AP2B1: variants seen among roughly 807,000 people sequenced by gnomAD.
AP2B1 encodes the protein adaptor related protein complex 2 subunit beta 1.
Under a neutral mutation model 102.0 loss-of-function variants are expected in AP2B1, and 23 were observed. The ratio of observed to expected loss-of-function variants is 0.23; its 90% CI spans 0.16 to 0.32. The LOEUF (loss-of-function observed/expected upper bound fraction) is 0.32. Among genes scored for constraint, AP2B1 ranks in the 10% least tolerant of loss-of-function variants. The pLI, the probability that AP2B1 is intolerant of heterozygous loss-of-function variation, is 1.00. For synonymous variants in AP2B1, 381 were observed against 421.2 expected, an observed-to-expected ratio of 0.90 and a Z score of 1.17; for missense variants, 541 against 1,157.4, an observed-to-expected ratio of 0.47 and a Z score of 7.73.
intron 5 of AP2B1, among the ~76,000 whole-genome samples, chr17:35,618,940 A>G (rs2074097775): frequency 6.6e-6 from 1 of 152,228 alleles, no homozygotes; most frequent in Non-Finnish European, 1.5e-5. Flanking sequence ...TTCTCCTTGT[A>G]TATAAATCTA....
intron 9 of AP2B1, among the ~76,000 whole-genome samples, chr17:35,631,605 A>G (rs2074464082): frequency 6.6e-6 from 1 of 151,918 alleles, no homozygotes; most frequent in South Asian, 2.1e-4. Flanking sequence ...ATTGATCCAC[A>G]TTATAAAGAA....
intron 21 of AP2B1, among the ~76,000 whole-genome samples, chr17:35,720,573 A>ATATATATATTT (rs1324333805): frequency 3.2e-4 from 9 of 28,068 alleles, no homozygotes; most frequent in East Asian, 1.2e-3. Context: ...ATATATATAT[A>ATATATATATTT]TTTTTTTTTT....
chr17:35,636,744 C>T (rs2074618279), intron 10 of AP2B1, among the ~76,000 whole-genome samples: 1 of 152,164 alleles, frequency 6.6e-6, no homozygotes, highest in Non-Finnish European at 1.5e-5. Flanking sequence ...TTAAATAGGA[C>T]ATCTATATAT....
chr17:35,594,118 G>A, intron 2 of AP2B1, 51 bp downstream of exon 2: 1 of 1,335,236 alleles, frequency 7.5e-7, no homozygotes, highest in South Asian at 1.3e-5. Context: ...AAGTTGTAGT[G>A]TAAGATTGCC....
chr17:35,691,275 T>A (rs922639540), intron 18 of AP2B1, among the ~76,000 whole-genome samples: 29 of 152,206 alleles, frequency 1.9e-4, no homozygotes, highest in African/African-American at 6.8e-4. Context: ...GAGGAAATTC[T>A]GTCCCTTGCT....
At chr17:35,634,481 G>A (rs1048566045) in intron 9 of AP2B1, among the ~76,000 whole-genome samples, 2 of 152,012 alleles carry the variant, frequency 1.3e-5, no homozygotes, top group African/African-American at 2.4e-5. Context: ...TTGACTTTTA[G>A]GATCTCTGTT....
In AP2B1 at chr17:35,627,637, G is replaced by A. The variant is rs1286379240; in HGVS notation, c.1066G>A (p.Ala356Thr). 6.2e-7 allele frequency: 1 copy of A among 1,613,848 alleles called. No individual in the cohort carries two copies. The highest frequency in any genetic ancestry group is 8.5e-7 in the Non-Finnish European group (1 of 1,179,972). Residue 356 changes from alanine to threonine, a missense_variant, in exon 9 of 22, where the codon GCA becomes ACA. Around this residue, in one of 10 missense-constraint regions of AP2B1, gnomAD observed 106 missense variants for 296.4 expected, o/e 0.36. Transcript: ENST00000610402. ...CACTTCCTGGGTTTAACAGGTTCTG[G>A]CAGAACTGAAAGAATATGCTACAGA... is the stretch of plus-strand genomic sequence containing the variant. ...ASQANIAQVLAELKEYATEVD... is the reference protein window; with the variant it reads ...ASQANIAQVLTELKEYATEVD...
intron 3 of AP2B1, among the ~76,000 whole-genome samples, chr17:35,600,256 T>C (rs1190003362): frequency 6.6e-6 from 1 of 152,114 alleles, no homozygotes; most frequent in African/African-American, 2.4e-5. Context: ...CTAATTTTTG[T>C]ATTTTTAGTA....
At chr17:35,687,087 A>G (rs1403634328) in intron 18 of AP2B1, among the ~76,000 whole-genome samples, 1 of 152,114 alleles carries the variant, frequency 6.6e-6, no homozygotes, top group Admixed American at 6.6e-5. Flanking sequence ...AATTACCTAA[A>G]TAACATGCTC....
chr17:35,640,426 C>G (rs998579521), intron 11 of AP2B1, among the ~76,000 whole-genome samples: 3 of 151,492 alleles, frequency 2.0e-5, no homozygotes, highest in African/African-American at 7.3e-5. Flanking sequence ...TTAGTAGAGA[C>G]AGGGTTTCAC....
Position 35,717,183 on chromosome 17 carries a change from C to T in AP2B1, c.2627-12C>T. On this transcript the variant is annotated splice_polypyrimidine_tract_variant and intron_variant, in intron 20 of 21. Coordinates refer to ENST00000610402, the MANE Select transcript of AP2B1 (RefSeq NM_001030006.2). The stretch of plus-strand genomic sequence containing the variant: ...TAACTGAAGGTGTTGGATTTTGAAT[C>T]TGTATTTCTAGACACTGTTTCCAGC... The T allele has an allele frequency of 1.9e-6, 3 of 1,612,572 alleles. No individual in the cohort carries two copies. Among genetic ancestry groups the T allele is most frequent in the Non-Finnish European group, 2.5e-6 (3 of 1,179,236 alleles).
chr17:35,678,245 T>G (rs9912939), intron 17 of AP2B1, among the ~76,000 whole-genome samples: 132,457 of 152,220 alleles, frequency 0.87, 58,044 homozygotes, highest in African/African-American at 0.97. Context: ...CTTGTTTCCT[T>G]CAACTTTGTT....
intron 14 of AP2B1, among the ~76,000 whole-genome samples, chr17:35,662,265 C>G (rs1236488097): frequency 1.3e-5 from 2 of 152,176 alleles, no homozygotes; most frequent in Non-Finnish European, 2.9e-5. Flanking sequence ...AGTCTCCTTA[C>G]TGAAACATCC....
intron 21 of AP2B1, among the ~76,000 whole-genome samples, chr17:35,720,473 T>TA (rs1185041163): frequency 6.2e-5 from 9 of 145,208 alleles, no homozygotes; most frequent in African/African-American, 2.0e-4. Flanking sequence ...AAATAAAAGT[T>TA]AAAAAAAATA....
At chr17:35,644,766 G>A (rs1236991385) in intron 12 of AP2B1, among the ~76,000 whole-genome samples, 1 of 152,076 alleles carries the variant, frequency 6.6e-6, no homozygotes, top group Non-Finnish European at 1.5e-5. Context: ...GGGTGCTGTG[G>A]CTCACACCTG....
intron 18 of AP2B1, among the ~76,000 whole-genome samples, chr17:35,707,795 C>G (rs764882743): frequency 3.0e-4 from 45 of 152,182 alleles, no homozygotes; most frequent in Non-Finnish European, 2.4e-4. Flanking sequence ...TTCCTCTTTC[C>G]TGACATTACT....
At chr17:35,620,093 TA>T (rs1394849726) in intron 5 of AP2B1, among the ~76,000 whole-genome samples, 7 of 152,182 alleles carry the variant, frequency 4.6e-5, no homozygotes, top group African/African-American at 1.7e-4. Flanking sequence ...GCCAAGGATT[TA>T]TTTTTTTAAT....
At chr17:35,653,829 G>C (rs1487832325) in intron 13 of AP2B1, among the ~76,000 whole-genome samples, 1 of 152,032 alleles carries the variant, frequency 6.6e-6, no homozygotes, top group Non-Finnish European at 1.5e-5. Flanking sequence ...CTGAGACTCT[G>C]GGCATGAGCC....
At chr17:35,595,894 T>C (rs1020127583) in intron 2 of AP2B1, among the ~76,000 whole-genome samples, 1 of 151,424 alleles carries the variant, frequency 6.6e-6, no homozygotes, top group African/African-American at 2.5e-5. Context: ...TCTATAATTA[T>C]ATAAAGGGAT....
Sources: gnomAD v4.1 joint callset for allele counts (sites outside exome capture counted in the v4.1 genomes callset) on GRCh38, gnomAD v4.1.1 for gene constraint, gnomAD v4.1.1 regional missense constraint, MANE v1.5 for transcripts, NCBI Gene and HGNC (gene_info 2026-07-23, HGNC 2026-07-21) for gene names.